Variants in GRAMD4 observed in about 807,000 individuals in gnomAD.
GRAMD4 encodes the protein GRAM domain-containing protein 4.
A neutral mutation model predicts 83.9 loss-of-function variants in GRAMD4; 25 were observed. The observed-to-expected ratio is 0.30, with a 90% CI of 0.22 to 0.42. The LOEUF is 0.42. GRAMD4 is among the 10% of genes least tolerant of loss of function. GRAMD4 has a pLI of 1.00. For missense variants in GRAMD4, 593 were observed against 788.7 expected (o/e 0.75, Z 2.97); for synonymous variants, 336 against 320.9 (o/e 1.05, Z -0.50).
At chr22:46,666,957 C>G (rs1162711640) in intron 10 of GRAMD4, 84 bp downstream of exon 10, 2 of 1,009,520 alleles carry the variant, frequency 2.0e-6, no homozygotes, top group Non-Finnish European at 2.9e-6. Flanking sequence ...CTCGGGGAAG[C>G]CTCTGGATGA....
intron 1 of GRAMD4, among the ~76,000 whole-genome samples, 190 bp from the exon 2 acceptor site, chr22:46,626,561 C>G (rs548903503): frequency 6.6e-6 from 1 of 151,108 alleles, no homozygotes; most frequent in East Asian, 2.0e-4. Context: ...AAAGCTGGAC[C>G]GGCCGTGCCC....
chr22:46,646,034 T>C (rs892825981), intron 3 of GRAMD4, among the ~76,000 whole-genome samples: 4 of 152,198 alleles, frequency 2.6e-5, no homozygotes, highest in Non-Finnish European at 5.9e-5. Flanking sequence ...AGGGAGCTTC[T>C]CTTCCTGGGG....
At chr22:46,624,094 C>A (rs2081617981) in intron 1 of GRAMD4, among the ~76,000 whole-genome samples, 1 of 152,002 alleles carries the variant, frequency 6.6e-6, no homozygotes, top group East Asian at 1.9e-4. Context: ...GTCAAGTTGT[C>A]TTGTAACATG....
chr22:46,667,355 C>G (rs1283517148), intron 10 of GRAMD4, among the ~76,000 whole-genome samples: 2 of 152,216 alleles, frequency 1.3e-5, no homozygotes, highest in Non-Finnish European at 2.9e-5. Context: ...AACAGAACAA[C>G]GACAACAAAA....
intron 1 of GRAMD4, among the ~76,000 whole-genome samples, chr22:46,585,224 C>A (rs1325928145): frequency 6.9e-6 from 1 of 144,664 alleles, no homozygotes; most frequent in Non-Finnish European, 1.5e-5. Context: ...GAGTTTTGCT[C>A]TTGTTGCCCA....
intron 4 of GRAMD4, among the ~76,000 whole-genome samples, chr22:46,658,831 A>G (rs1343101059): frequency 1.4e-5 from 2 of 140,534 alleles, no homozygotes; most frequent in Non-Finnish European, 3.0e-5. Context: ...TCCTAGCAGT[A>G]TCATGTCCTG....
intron 3 of GRAMD4, among the ~76,000 whole-genome samples, chr22:46,653,483 C>T (rs2082197138): frequency 6.6e-6 from 1 of 152,198 alleles, no homozygotes; most frequent in Admixed American, 6.5e-5. Context: ...GCAGGCATGA[C>T]ATGGCATCCC....
chr22:46,585,045 A>G (rs2081135434), intron 1 of GRAMD4, among the ~76,000 whole-genome samples: 1 of 152,216 alleles, frequency 6.6e-6, no homozygotes, highest in South Asian at 2.1e-4. Flanking sequence ...TCTGTTAAGC[A>G]TCTTTCATTC....
rs527478168 is a variant in GRAMD4, at chr22:46,648,194, GTAGA to G, written c.284-9991_284-9988del. The stretch of plus-strand genomic sequence containing the variant: ...GATAAATGGATGGATGAGTGGACAT[GTAGA>G]TGGATGGATGGGTGGGTGGATGGAT... On this transcript the variant is annotated intron_variant, in intron 3 of 18. Transcript: ENST00000406902. Among the ~76,000 whole-genome samples, 533 of 151,914 alleles carry G rather than the reference GTAGA, an allele frequency of 3.5e-3. 1 individual carries two copies. The highest frequency in any genetic ancestry group is 6.1e-3 in the Non-Finnish European group (411 of 67,878).
At position 46,664,014 on chromosome 22, in the gene GRAMD4, C is replaced by G. The variant is rs937648148; in HGVS notation, c.626-12C>G. ...CCACAGTGCTGACCACTGTGGTCTG[C>G]TCTGTCCCCAGAGCGCGGTGCCAAG... is the stretch of plus-strand genomic sequence containing the variant. On this transcript the variant is annotated splice_polypyrimidine_tract_variant and intron_variant, in intron 7 of 18. Coordinates refer to ENST00000406902, the MANE Select transcript of GRAMD4 (RefSeq NM_015124.5). 1 of 1,609,166 alleles carries G rather than the reference C, an allele frequency of 6.2e-7. No individual in the cohort carries two copies. Among genetic ancestry groups the G allele is most frequent in the Non-Finnish European group, 8.5e-7 (1 of 1,176,082 alleles).
upstream of GRAMD4, among the ~76,000 whole-genome samples, chr22:46,616,458 C>CTG (rs2081496377): frequency 7.7e-6 from 1 of 129,134 alleles, no homozygotes. Flanking sequence ...GTAGGTTCCC[C>CTG]CGTGTGTAGG....
intron 2 of GRAMD4, among the ~76,000 whole-genome samples, chr22:46,629,568 A>G (rs2081734459): frequency 6.6e-6 from 1 of 151,848 alleles, no homozygotes; most frequent in African/African-American, 2.4e-5. Flanking sequence ...CCTTCTTTAC[A>G]CGGGCAGCCT....
chr22:46,673,850 C>A, intron 15 of GRAMD4, 36 bp downstream of exon 15: 1 of 1,609,250 alleles, frequency 6.2e-7, no homozygotes, highest in South Asian at 1.1e-5. Context: ...AGGCCGAGCG[C>A]CGACACAGAC....
At chr22:46,640,141 A>G (rs755094639) in intron 3 of GRAMD4, among the ~76,000 whole-genome samples, 33 of 152,218 alleles carry the variant, frequency 2.2e-4, no homozygotes, top group Non-Finnish European at 4.3e-4. Context: ...TAAGTCATCA[A>G]CCACCAGAGG....
At chr22:46,665,727 C>G in intron 9 of GRAMD4, 21 bp downstream of exon 9, 2 of 1,295,544 alleles carry the variant, frequency 1.5e-6, no homozygotes, top group Non-Finnish European at 2.2e-6. Context: ...CGGTTTGTTG[C>G]AGCTGCTTTA....
At chr22:46,577,462 G>T (rs1239249432) in intron 1 of GRAMD4, among the ~76,000 whole-genome samples, 1 of 148,934 alleles carries the variant, frequency 6.7e-6, no homozygotes, top group African/African-American at 2.4e-5. Flanking sequence ...GCGCGGGCGC[G>T]CCCCGCACAC....
At position 46,677,262 on chromosome 22, in the gene GRAMD4, C is replaced by T; in HGVS notation, c.*11C>T. ...GGCGGGGACAGCTAGTATTGACTTG[C>T]CCAGGACGTTGCTGGAATTTTCTTT... On this transcript the variant is annotated 3_prime_UTR_variant, in exon 19 of 19. Transcript: ENST00000406902. 1 of 1,578,696 alleles carries T rather than the reference C, an allele frequency of 6.3e-7. No individual in the cohort carries two copies. The highest frequency in any genetic ancestry group is 8.5e-7 in the Non-Finnish European group (1 of 1,170,992).
intron 3 of GRAMD4, among the ~76,000 whole-genome samples, chr22:46,648,985 T>TGGATGGATGG (rs2082126766): frequency 6.7e-6 from 1 of 150,372 alleles, no homozygotes; most frequent in African/African-American, 2.5e-5. Context: ...GATGGATGGA[T>TGGATGGATGG]AGGTAGACAA....
Position 46,605,179 on chromosome 22 carries a change from C to T in GRAMD4, c.-49-21572C>T, listed in dbSNP as rs552247056. ...CAGGTCTTGGTGCCATAATGTTCTC[C>T]GGGTTCACCCAGGTTCTGGTGCCAT... On this transcript the variant is annotated intron_variant, in intron 1 of 1. Coordinates refer to the GRAMD4 transcript ENST00000431155. Among the ~76,000 whole-genome samples the T allele has an allele frequency of 6.9e-5, 10 of 145,260 alleles. No homozygotes were observed. In the South Asian group the frequency reaches 1.1e-3, roughly 16 times the overall value.
Sources: gnomAD v4.1 joint callset for allele counts (sites outside exome capture counted in the v4.1 genomes callset) on GRCh38, gnomAD v4.1.1 for gene constraint, MANE v1.5 for transcripts, NCBI Gene and HGNC (gene_info 2026-07-23, HGNC 2026-07-21) for gene names.